Variants in KLF12 observed in about 807,000 individuals in gnomAD.
KLF12 encodes the protein Krueppel-like factor 12.
In KLF12, 9 loss-of-function variants were observed where a neutral mutation model predicts 37.8. The observed-to-expected ratio is 0.24, with a 90% CI of 0.14 to 0.42. KLF12 has a LOEUF of 0.42. Ranked by LOEUF, KLF12 falls within the 10% of genes least tolerant of loss-of-function variation. KLF12 has a pLI of 1.00. For missense variants in KLF12, 411 were observed against 516.0 expected, an observed-to-expected ratio of 0.80 and a Z score of 1.97; for synonymous variants, 208 against 202.1, an observed-to-expected ratio of 1.03 and a Z score of -0.25.
intron 2 of KLF12, among the ~76,000 whole-genome samples, chr13:73,983,783 A>G (rs1891749334): frequency 6.6e-6 from 1 of 152,144 alleles, no homozygotes; most frequent in Non-Finnish European, 1.5e-5. Flanking sequence ...AAGATCCCAA[A>G]TCCAGGGAGC....
rs538305783 is a variant in KLF12, at chr13:74,033,651, T to C, written c.-31-38598A>G. On this transcript the variant is annotated intron_variant, in intron 1 of 7. Coordinates refer to ENST00000377669, the MANE Select transcript of KLF12 (RefSeq NM_007249.5). ...TTTTGTTTTGAATGGCAGCTTAGTG[T>C]TCCTTCTATCAATGTGCCACATTTA... Among the ~76,000 whole-genome samples, 7 of 152,354 alleles carry C rather than the reference T, an allele frequency of 4.6e-5. No individual in the cohort carries two copies. In the East Asian group the frequency reaches 1.3e-3, roughly 29 times the overall value.
intron 3 of KLF12, among the ~76,000 whole-genome samples, chr13:73,902,411 T>C (rs1888082729): frequency 6.6e-6 from 1 of 152,184 alleles, no homozygotes; most frequent in Non-Finnish European, 1.5e-5. Flanking sequence ...AAAACCATCA[T>C]GGGAGGAAGT....
At chr13:73,937,019 G>A (rs920312047) in intron 3 of KLF12, among the ~76,000 whole-genome samples, 10 of 152,094 alleles carry the variant, frequency 6.6e-5, no homozygotes, top group Admixed American at 1.3e-4. Flanking sequence ...GTGAAACCCC[G>A]TCTCTACTAA....
the KLF12 span, among the ~76,000 whole-genome samples, chr13:74,254,277 A>G: frequency 4.6e-5 from 7 of 152,234 alleles, no homozygotes; most frequent in Non-Finnish European, 8.8e-5. Context: ...GCCATGAGAC[A>G]GAAAATGAAA....
At chr13:73,844,256 T>C (rs964452593) in intron 4 of KLF12, among the ~76,000 whole-genome samples, 3 of 152,220 alleles carry the variant, frequency 2.0e-5, no homozygotes, top group African/African-American at 4.8e-5. Context: ...CATTTCTAAA[T>C]TGTAAAAGAA....
chr13:74,176,824 A>C, the KLF12 span, among the ~76,000 whole-genome samples: 1 of 152,130 alleles, frequency 6.6e-6, no homozygotes, highest in Non-Finnish European at 1.5e-5. Flanking sequence ...TGCCCCAGAA[A>C]ACCTCTGCTT....
chr13:73,911,247 A>T (rs1210017839), intron 3 of KLF12, among the ~76,000 whole-genome samples: 4 of 152,292 alleles, frequency 2.6e-5, no homozygotes, highest in Admixed American at 6.5e-5. Flanking sequence ...TAAAATTTTT[A>T]AAATAAATGA....
intron 1 of KLF12, among the ~76,000 whole-genome samples, chr13:74,126,200 T>C (rs1877932886): frequency 6.6e-6 from 1 of 152,202 alleles, no homozygotes; most frequent in Non-Finnish European, 1.5e-5. Flanking sequence ...ATACATAGGC[T>C]ATGAGGATTA....
At chr13:73,824,171 G>GTCAT in intron 4 of KLF12, among the ~76,000 whole-genome samples, 1 of 151,732 alleles carries the variant, frequency 6.6e-6, no homozygotes, top group Non-Finnish European at 1.5e-5. Context: ...CATTTGATCG[G>GTCAT]TTGATAAACA....
chr13:73,803,408 T>A (rs1461793051), intron 5 of KLF12, among the ~76,000 whole-genome samples: 2 of 152,086 alleles, frequency 1.3e-5, no homozygotes, highest in East Asian at 3.9e-4. Context: ...CCCTTTCAAG[T>A]CTCCTAAAAT....
At chr13:74,209,924 A>G in the KLF12 span, among the ~76,000 whole-genome samples, 1 of 152,242 alleles carries the variant, frequency 6.6e-6, no homozygotes, top group Non-Finnish European at 1.5e-5. Context: ...CACCTAATTT[A>G]TTCCAATTCT....
chr13:73,788,334 C>G (rs1226378010), intron 5 of KLF12, among the ~76,000 whole-genome samples: 1 of 152,190 alleles, frequency 6.6e-6, no homozygotes, highest in Non-Finnish European at 1.5e-5. Flanking sequence ...TGCTCTAGCT[C>G]AAGCCAAATG....
chr13:74,212,514 A>G, the KLF12 span, among the ~76,000 whole-genome samples: 1 of 152,212 alleles, frequency 6.6e-6, no homozygotes, highest in Non-Finnish European at 1.5e-5. Flanking sequence ...TGCTACCAAA[A>G]CTGAGGCACG....
At chr13:74,232,756 A>T in the KLF12 span, among the ~76,000 whole-genome samples, 1 of 152,236 alleles carries the variant, frequency 6.6e-6, no homozygotes, top group Non-Finnish European at 1.5e-5. Flanking sequence ...CTTGATAATT[A>T]TGTGGTCCCA....
At chr13:74,169,707 AT>A in the KLF12 span, among the ~76,000 whole-genome samples, 1 of 152,218 alleles carries the variant, frequency 6.6e-6, no homozygotes, top group African/African-American at 2.4e-5. Flanking sequence ...AAGAGGAACT[AT>A]AAGCTGACAA....
At chr13:74,039,323 G>C (rs1257252903) in intron 1 of KLF12, among the ~76,000 whole-genome samples, 1 of 152,030 alleles carries the variant, frequency 6.6e-6, no homozygotes, top group African/African-American at 2.4e-5. Context: ...AGGAGTGCTT[G>C]AGTTCAGTTT....
chr13:74,068,419 A>G (rs1874039000), intron 1 of KLF12, among the ~76,000 whole-genome samples: 1 of 152,244 alleles, frequency 6.6e-6, no homozygotes. Flanking sequence ...TGGACAATCC[A>G]TCATGGCTGT....
chr13:73,752,665 A>C (rs1232766563), intron 6 of KLF12, among the ~76,000 whole-genome samples: 6 of 151,072 alleles, frequency 4.0e-5, no homozygotes, highest in African/African-American at 1.5e-4. Flanking sequence ...CGTGGCTAGC[A>C]TGTCTTTCTC....
rs1272415488 is a variant in KLF12 at position 73,691,390 on chromosome 13, T to C, written c.*4100A>G. 2.0e-5 allele frequency: 3 copies of C among 152,656 alleles called. No homozygotes were observed. The highest frequency in any genetic ancestry group is 7.2e-5 in the African/African-American group (3 of 41,456). 9.5% of individuals were successfully genotyped at this position (152,656 alleles called of 1,614,324 possible). ...AGATTTGGTCAATGATGTTTTATACTAGAATACATTTACCTGCTAAGTTTA... is the reference window on the plus strand; with the variant it reads ...AGATTTGGTCAATGATGTTTTATACCAGAATACATTTACCTGCTAAGTTTA... On this transcript the variant is annotated 3_prime_UTR_variant, in exon 8 of 8. Coordinates refer to ENST00000377669, the MANE Select transcript of KLF12 (RefSeq NM_007249.5).
Sources: allele counts gnomAD v4.1 joint callset (sites outside exome capture counted in the v4.1 genomes callset), GRCh38; gene constraint gnomAD v4.1.1; transcripts MANE v1.5; gene names NCBI Gene and HGNC (gene_info 2026-07-23, HGNC 2026-07-21).